TSHZ2: variants seen among roughly 807,000 people sequenced by gnomAD.
The protein encoded by TSHZ2 is teashirt homolog 2.
A neutral mutation model predicts 74.4 loss-of-function variants in TSHZ2; 21 were observed. The ratio of observed to expected loss-of-function variants is 0.28; its 90% CI spans 0.20 to 0.41. TSHZ2 has a LOEUF of 0.41. TSHZ2 is among the 10% of genes least tolerant of loss of function. The pLI is 1.00. For synonymous variants in TSHZ2, 540 were observed against 515.3 expected, an observed-to-expected ratio of 1.05 and a Z score of -0.65; for missense variants, 1,244 against 1,293.5, an observed-to-expected ratio of 0.96 and a Z score of 0.59.
chr20:53,096,724 A>T (rs1986060063), intron 1 of TSHZ2, among the ~76,000 whole-genome samples: 1 of 151,972 alleles, frequency 6.6e-6, no homozygotes, highest in Non-Finnish European at 1.5e-5. Context: ...TCTACTAAAA[A>T]TACAAAACTT....
At chr20:53,171,194 T>A (rs1322943469) in intron 1 of TSHZ2, among the ~76,000 whole-genome samples, 3 of 152,238 alleles carry the variant, frequency 2.0e-5, no homozygotes, top group Non-Finnish European at 4.4e-5. Flanking sequence ...TGTCATAAAA[T>A]GTGCTCTCAA....
chr20:53,203,593 C>T (rs764648511), intron 1 of TSHZ2, among the ~76,000 whole-genome samples: 3 of 152,088 alleles, frequency 2.0e-5, no homozygotes, highest in Non-Finnish European at 4.4e-5. Flanking sequence ...GGTGGGATGG[C>T]AGGCAGATTC....
At chr20:53,480,034 T>C (rs981622119) in intron 2 of TSHZ2, among the ~76,000 whole-genome samples, 1 of 151,326 alleles carries the variant, frequency 6.6e-6, no homozygotes, top group African/African-American at 2.4e-5. Flanking sequence ...GCCCAGGAGT[T>C]GAAGACCAGC....
intron 1 of TSHZ2, among the ~76,000 whole-genome samples, chr20:53,034,507 G>T (rs910633369): frequency 6.6e-6 from 1 of 152,172 alleles, no homozygotes; most frequent in Non-Finnish European, 1.5e-5. Context: ...GGGCAGGCTG[G>T]ACAATAAATA....
intron 1 of TSHZ2, among the ~76,000 whole-genome samples, chr20:53,129,786 C>T (rs941041847): frequency 2.6e-5 from 4 of 152,060 alleles, no homozygotes; most frequent in South Asian, 2.1e-4. Context: ...GCTTAACCTT[C>T]GGTTGGATGA....
At chr20:53,362,137 C>T (rs1463609361) in intron 2 of TSHZ2, among the ~76,000 whole-genome samples, 2 of 151,216 alleles carry the variant, frequency 1.3e-5, no homozygotes, top group Admixed American at 1.3e-4. Context: ...GAAGTGCTGG[C>T]ATTACAGGCG....
chr20:53,283,989 TG>T, intron 2 of TSHZ2, among the ~76,000 whole-genome samples: 1 of 152,316 alleles, frequency 6.6e-6, no homozygotes, highest in Admixed American at 6.5e-5. Flanking sequence ...TCGAGGAGTT[TG>T]GGGTGAAAGA....
chr20:53,219,576 A>G (rs1989509953), intron 1 of TSHZ2, among the ~76,000 whole-genome samples: 1 of 152,170 alleles, frequency 6.6e-6, no homozygotes, highest in South Asian at 2.1e-4. Flanking sequence ...AAGAGACTAA[A>G]ATCCCAGAAG....
At chr20:53,387,921 C>T (rs751453697) in intron 2 of TSHZ2, among the ~76,000 whole-genome samples, 6 of 151,880 alleles carry the variant, frequency 4.0e-5, no homozygotes, top group Non-Finnish European at 7.4e-5. Flanking sequence ...TGGCAGCATG[C>T]GCCTGTAGTC....
intron 1 of TSHZ2, among the ~76,000 whole-genome samples, chr20:53,142,683 C>A (rs909894134): frequency 6.6e-6 from 1 of 152,156 alleles, no homozygotes; most frequent in Non-Finnish European, 1.5e-5. Flanking sequence ...CATTGGCAGC[C>A]TCTGAGCTGA....
At chr20:53,128,445 T>G (rs1190143322) in intron 1 of TSHZ2, among the ~76,000 whole-genome samples, 1 of 152,194 alleles carries the variant, frequency 6.6e-6, no homozygotes, top group Non-Finnish European at 1.5e-5. Context: ...TCTTGGTTTT[T>G]GTTTATATTT....
At chr20:53,320,098 A>G (rs758921196) in intron 2 of TSHZ2, among the ~76,000 whole-genome samples, 8 of 152,188 alleles carry the variant, frequency 5.3e-5, no homozygotes, top group Non-Finnish European at 1.2e-4. Flanking sequence ...CAACACTGCC[A>G]TCATCATCAT....
intron 1 of TSHZ2, among the ~76,000 whole-genome samples, chr20:53,167,260 A>G (rs1444577120): frequency 6.6e-6 from 1 of 152,262 alleles, no homozygotes; most frequent in African/African-American, 2.4e-5. Flanking sequence ...TTCTACATCA[A>G]GAAGGATATA....
At chr20:53,011,996 C>T (rs567465008) in intron 1 of TSHZ2, among the ~76,000 whole-genome samples, 2 of 152,254 alleles carry the variant, frequency 1.3e-5, no homozygotes, top group Non-Finnish European at 2.9e-5. Flanking sequence ...AATTGAGAAA[C>T]GGGGTCTTAT....
At chr20:53,169,339 C>T (rs181124191) in intron 1 of TSHZ2, among the ~76,000 whole-genome samples, 2 of 152,304 alleles carry the variant, frequency 1.3e-5, no homozygotes, top group East Asian at 1.9e-4. Flanking sequence ...GGCCTCTCAA[C>T]GTCATTGCTC....
At chr20:53,468,210 ACCTTT>A (rs1985619473) in intron 2 of TSHZ2, among the ~76,000 whole-genome samples, 1 of 152,126 alleles carries the variant, frequency 6.6e-6, no homozygotes, top group African/African-American at 2.4e-5. Context: ...AGATTGACAT[ACCTTT>A]GATTATAATT....
At chr20:52,978,035 A>G (rs1269505237) in intron 1 of TSHZ2, among the ~76,000 whole-genome samples, 1 of 152,184 alleles carries the variant, frequency 6.6e-6, no homozygotes, top group Non-Finnish European at 1.5e-5. Flanking sequence ...CCTCCCAAGT[A>G]TTTTTAGGAG....
chr20:53,466,172 G>A (rs908754811), intron 2 of TSHZ2, among the ~76,000 whole-genome samples: 4 of 151,656 alleles, frequency 2.6e-5, no homozygotes, highest in African/African-American at 4.8e-5. Context: ...CACTTGAACC[G>A]GGGAGGCAGA....
chr20:53,016,690 G>A (rs1382949522), intron 1 of TSHZ2, among the ~76,000 whole-genome samples: 1 of 152,184 alleles, frequency 6.6e-6, no homozygotes, highest in East Asian at 1.9e-4. Flanking sequence ...TGGTATGCCT[G>A]TATCAGATAG....
Sources: allele counts gnomAD v4.1 joint callset (sites outside exome capture counted in the v4.1 genomes callset), GRCh38; gene constraint gnomAD v4.1.1; transcripts MANE v1.5; gene names NCBI Gene and HGNC (gene_info 2026-07-23, HGNC 2026-07-21).